Variants in PI4KA observed in about 807,000 individuals in gnomAD.
PI4KA encodes PI4-kinase alpha.
Under a neutral mutation model 271.4 loss-of-function variants are expected in PI4KA, and 122 were observed. That is an observed-to-expected ratio of 0.45 (90% CI 0.39 to 0.52). PI4KA has a LOEUF of 0.52. Ranked by LOEUF, PI4KA falls within the 20% of genes least tolerant of loss-of-function variation. The pLI, the probability that PI4KA is intolerant of heterozygous loss-of-function variation, is 0.00. For synonymous variants in PI4KA, 1,041 were observed against 1,078.8 expected, an observed-to-expected ratio of 0.96 and a Z score of 0.69; for missense variants, 1,969 against 2,769.1, an observed-to-expected ratio of 0.71 and a Z score of 6.48.
chr22:20,814,283 C>G (rs1921449031), intron 7 of PI4KA, among the ~76,000 whole-genome samples: 1 of 152,058 alleles, frequency 6.6e-6, no homozygotes. Flanking sequence ...ATTAGAGGAA[C>G]TTAAATCATA....
At chr22:20,820,900 T>C (rs1922573420) in intron 4 of PI4KA, among the ~76,000 whole-genome samples, 1 of 152,226 alleles carries the variant, frequency 6.6e-6, no homozygotes, top group South Asian at 2.1e-4. Flanking sequence ...TAACATATTC[T>C]GTAAACAGGT....
intron 19 of PI4KA, among the ~76,000 whole-genome samples, chr22:20,767,534 G>A (rs1175932586): frequency 2.0e-5 from 3 of 151,744 alleles, no homozygotes; most frequent in African/African-American, 7.3e-5. Flanking sequence ...AATCATCACT[G>A]CAGCACTGAC....
chr22:20,818,409 A>G (rs1199610530), intron 7 of PI4KA, 74 bp downstream of exon 7: 11 of 1,111,638 alleles, frequency 9.9e-6, no homozygotes, highest in Middle Eastern at 2.0e-4. Context: ...AGCATCCTTA[A>G]TATCACGAGA....
chr22:20,738,645 G>A (rs532158527), intron 32 of PI4KA, among the ~76,000 whole-genome samples: 5 of 152,288 alleles, frequency 3.3e-5, no homozygotes, highest in African/African-American at 9.6e-5. Context: ...CCAGGTGTGA[G>A]TGTGAGTGGG....
chr22:20,764,582 T>C (rs773043872), intron 22 of PI4KA: 10 of 479,612 alleles, frequency 2.1e-5, no homozygotes, highest in Non-Finnish European at 3.3e-5. Flanking sequence ...GCCTGTTTCC[T>C]ATCAGAGAGA....
rs116985990 is a variant in PI4KA, at chr22:20,807,874, C to T, written c.1072-416G>A. Among the ~76,000 whole-genome samples the T allele has an allele frequency of 8.8e-4, 134 of 151,554 alleles. 5 individuals carry two copies. The East Asian group carries it at 0.025, about 28-fold the overall frequency. ...ATTACAGCCAGGACACCTTCAGATACAACTTATGTTTTGTAATTAAAACTC... is the reference window on the plus strand; with the variant it reads ...ATTACAGCCAGGACACCTTCAGATATAACTTATGTTTTGTAATTAAAACTC... On this transcript the variant is annotated intron_variant, in intron 9 of 54. Coordinates refer to ENST00000255882, the MANE Select transcript of PI4KA (RefSeq NM_058004.4).
chr22:20,818,179 C>T (rs1000545754), intron 7 of PI4KA, among the ~76,000 whole-genome samples: 2 of 152,098 alleles, frequency 1.3e-5, no homozygotes, highest in African/African-American at 4.8e-5. Context: ...AGAACTTTTA[C>T]AAGTTAAAGT....
intron 19 of PI4KA, chr22:20,784,350 G>A: frequency 6.7e-7 from 1 of 1,489,028 alleles, no homozygotes; most frequent in East Asian, 2.4e-5. Flanking sequence ...TTATGTACAA[G>A]TACCCAAGAA....
chr22:20,753,933 G>T (rs545119031), intron 23 of PI4KA, among the ~76,000 whole-genome samples: 2 of 152,108 alleles, frequency 1.3e-5, no homozygotes, highest in Non-Finnish European at 2.9e-5. Context: ...TGATCCGCCC[G>T]CCTCGGCCTC....
intron 3 of PI4KA, among the ~76,000 whole-genome samples, chr22:20,824,776 ACAC>A (rs1473493782): frequency 3.5e-5 from 5 of 143,890 alleles, no homozygotes; most frequent in East Asian, 2.0e-4. Flanking sequence ...ACACACACAC[ACAC>A]AAAACACTCG....
chr22:20,739,444 G>A (rs1192802405), intron 32 of PI4KA, among the ~76,000 whole-genome samples: 1 of 150,354 alleles, frequency 6.7e-6, no homozygotes, highest in Non-Finnish European at 1.5e-5. Context: ...CGTCAGCCTG[G>A]GCAACATAGC....
At chr22:20,850,451 T>A (rs6004598) in intron 1 of PI4KA, among the ~76,000 whole-genome samples, 22 of 69,914 alleles carry the variant, frequency 3.1e-4, no homozygotes, top group South Asian at 1.3e-3. Context: ...TAAAAAAAAA[T>A]TTTTTTTTTT....
At chr22:20,764,990 C>T (rs144511405) in intron 21 of PI4KA, 40 bp from the exon 22 acceptor site, 12 of 1,588,050 alleles carry the variant, frequency 7.6e-6, no homozygotes, top group Admixed American at 5.1e-5. Context: ...TGGGGCATCC[C>T]CCAGGACAAA....
chr22:20,800,714 A>AT (rs362260), intron 14 of PI4KA, among the ~76,000 whole-genome samples: 1 of 147,190 alleles, frequency 6.8e-6, no homozygotes, highest in East Asian at 2.1e-4. Context: ...AAAAAAAAAA[A>AT]TACAAAAAAA....
At chr22:20,828,198 T>G (rs1169707000) in intron 3 of PI4KA, among the ~76,000 whole-genome samples, 1 of 152,238 alleles carries the variant, frequency 6.6e-6, no homozygotes. Flanking sequence ...TTTTTGTACA[T>G]TGATTTTGTA....
At chr22:20,857,669 G>A (rs1159576874) in intron 1 of PI4KA, among the ~76,000 whole-genome samples, 2 of 152,206 alleles carry the variant, frequency 1.3e-5, no homozygotes, top group East Asian at 1.9e-4. Context: ...TGTGCAAGAT[G>A]CTTTATGCTA....
chr22:20,836,543 A>C (rs527571989), intron 2 of PI4KA, among the ~76,000 whole-genome samples: 1 of 152,338 alleles, frequency 6.6e-6, no homozygotes, highest in African/African-American at 2.4e-5. Context: ...CATTAGCAGC[A>C]CAGGGTGAGT....
chr22:20,753,971 C>G (rs543754373), intron 23 of PI4KA, among the ~76,000 whole-genome samples: 120 of 152,320 alleles, frequency 7.9e-4, no homozygotes, highest in African/African-American at 2.7e-3. Context: ...CAGGCGTGAG[C>G]CACCGTGTCC....
intron 8 of PI4KA, 131 bp downstream of exon 8, chr22:20,813,227 C>T: frequency 1.5e-6 from 1 of 667,884 alleles, no homozygotes; most frequent in Non-Finnish European, 2.6e-6. Context: ...CATTAATCTG[C>T]AAGTTTATGA....
Sources: gnomAD v4.1 joint callset for allele counts (sites outside exome capture counted in the v4.1 genomes callset) on GRCh38, gnomAD v4.1.1 for gene constraint, MANE v1.5 for transcripts, NCBI Gene and HGNC (gene_info 2026-07-23, HGNC 2026-07-21) for gene names.